Variants in LRP1B observed in about 807,000 individuals in gnomAD.
LRP1B encodes the protein LDL receptor related protein 1B.
In LRP1B, 217 loss-of-function variants were observed where a neutral mutation model predicts 556.6. That is an observed-to-expected ratio of 0.39 (90% CI 0.35 to 0.44). The LOEUF (loss-of-function observed/expected upper bound fraction) is 0.44, where lower values mean the gene tolerates loss of function less well. Among genes scored for constraint, LRP1B ranks in the 20% least tolerant of loss-of-function variants. The probability of loss-of-function intolerance (pLI) is 1.00; values close to 1 mark genes in which losing one functional copy is unlikely to be tolerated. For synonymous variants in LRP1B, 2,047 were observed against 1,865.8 expected (o/e 1.10, Z -2.50); for missense variants, 5,053 against 5,620.8 (o/e 0.90, Z 3.23).
Position 140,514,789 on chromosome 2 carries a change from AG to A in LRP1B, c.8150-18del, listed in dbSNP as rs1689817677. On this transcript the variant is annotated intron_variant, in intron 50 of 90. Transcript: ENST00000389484. Reference sequence around the variant, plus strand: ...AAGAAGAATCTAGGAAACAAACAAAAGGAAAAAAAAAAATAGTTTGAGACCG... The same window carrying A: ...AAGAAGAATCTAGGAAACAAACAAAAGAAAAAAAAAAATAGTTTGAGACCG... 2 of 1,600,964 alleles carry A rather than the reference AG, an allele frequency of 1.2e-6. No homozygotes were observed. The highest frequency in any genetic ancestry group is 1.7e-6 in the Non-Finnish European group (2 of 1,173,774).
intron 7 of LRP1B, among the ~76,000 whole-genome samples, chr2:141,167,818 A>C (rs1289038706): frequency 1.3e-5 from 2 of 151,984 alleles, no homozygotes; most frequent in African/African-American, 4.8e-5. Flanking sequence ...GTGACCATTG[A>C]TAGAACTATT....
intron 1 of LRP1B, among the ~76,000 whole-genome samples, chr2:142,020,035 C>T (rs764209642): frequency 6.6e-6 from 1 of 152,088 alleles, no homozygotes; most frequent in Non-Finnish European, 1.5e-5. Context: ...ATATTTAGTA[C>T]CTGTCTCATC....
intron 3 of LRP1B, among the ~76,000 whole-genome samples, chr2:141,423,504 C>T (rs6717439): frequency 6.6e-6 from 1 of 151,714 alleles, no homozygotes; most frequent in African/African-American, 2.4e-5. Flanking sequence ...CTCCTACCCA[C>T]CCCACAAAAT....
chr2:140,698,584 T>G (rs887892665), intron 41 of LRP1B, among the ~76,000 whole-genome samples: 1 of 152,056 alleles, frequency 6.6e-6, no homozygotes, highest in African/African-American at 2.4e-5. Context: ...TCTCATTGTG[T>G]TGTTTTGGTT....
intron 66 of LRP1B, among the ~76,000 whole-genome samples, chr2:140,396,575 T>C (rs1684269036): frequency 6.6e-6 from 1 of 152,202 alleles, no homozygotes; most frequent in Admixed American, 6.5e-5. Flanking sequence ...CTCAGTTTAC[T>C]CTACTAAAAA....
intron 1 of LRP1B, among the ~76,000 whole-genome samples, chr2:141,935,022 T>G (rs1436923542): frequency 6.7e-6 from 1 of 150,016 alleles, no homozygotes; most frequent in Non-Finnish European, 1.5e-5. Flanking sequence ...TAAACTGGAG[T>G]TGTCCTAGGA....
rs1463144460 is a variant in LRP1B at position 140,716,663 on chromosome 2, A to T, written c.5893+19T>A. 6.3e-7 allele frequency: 1 copy of T among 1,587,832 alleles called. No individual in the cohort carries two copies. The highest frequency in any genetic ancestry group is 8.5e-7 in the Non-Finnish European group (1 of 1,169,942). Reference sequence around the variant, plus strand: ...CAAAATAGGTGTGAAACAGAAAGATAAAAAGCCATGGATTATACCAGCAAT... The same window carrying T: ...CAAAATAGGTGTGAAACAGAAAGATTAAAAGCCATGGATTATACCAGCAAT... On this transcript the variant is annotated intron_variant, in intron 36 of 90. Coordinates refer to ENST00000389484, the MANE Select transcript of LRP1B (RefSeq NM_018557.3).
intron 20 of LRP1B, among the ~76,000 whole-genome samples, chr2:140,936,756 T>C (rs1214434598): frequency 1.3e-5 from 2 of 152,208 alleles, no homozygotes; most frequent in African/African-American, 4.8e-5. Flanking sequence ...ACCTTTTGTT[T>C]GCAAATCACA....
At chr2:140,966,735 G>A (rs1289099087) in intron 18 of LRP1B, among the ~76,000 whole-genome samples, 1 of 152,104 alleles carries the variant, frequency 6.6e-6, no homozygotes, top group Non-Finnish European at 1.5e-5. Flanking sequence ...TGTAAGGAAG[G>A]GATCCCGTTT....
intron 1 of LRP1B, among the ~76,000 whole-genome samples, chr2:141,940,288 T>C (rs1182953800): frequency 1.3e-5 from 2 of 152,176 alleles, no homozygotes; most frequent in Non-Finnish European, 2.9e-5. Flanking sequence ...CAAAGGTATA[T>C]ATGATTAAGA....
intron 7 of LRP1B, among the ~76,000 whole-genome samples, chr2:141,178,755 A>T (rs10496870): frequency 6.6e-6 from 1 of 151,736 alleles, no homozygotes; most frequent in Admixed American, 6.6e-5. Context: ...ATATATCTTC[A>T]GTATTTTTCT....
Position 141,741,246 on chromosome 2 carries a change from T to TTCAGTATAC in LRP1B, c.205+69024_205+69032dup, listed in dbSNP as rs1158105684. On this transcript the variant is annotated intron_variant, in intron 2 of 90. Transcript: ENST00000389484. ...ATAAACACAGGCGTGCAGTTATCTC[T>TTCAGTATAC]TCAGTATACTGATTTCCTTTTTTTT... 1.9e-4 allele frequency among the ~76,000 whole-genome samples: 29 copies of TTCAGTATAC among 150,294 alleles called. No homozygotes were observed. The South Asian group carries it at 2.1e-3, about 11-fold the overall frequency.
At chr2:141,508,718 G>A (rs1271726687) in intron 2 of LRP1B, among the ~76,000 whole-genome samples, 1 of 151,854 alleles carries the variant, frequency 6.6e-6, no homozygotes, top group African/African-American at 2.4e-5. Context: ...AGAGGCAAGT[G>A]TTTTCTTTTC....
intron 20 of LRP1B, among the ~76,000 whole-genome samples, chr2:140,948,440 A>G (rs1355954802): frequency 6.6e-6 from 1 of 152,208 alleles, no homozygotes; most frequent in Non-Finnish European, 1.5e-5. Flanking sequence ...TAGCTCATAT[A>G]TACTCATGCA....
At chr2:141,903,207 C>T (rs556994968) in intron 1 of LRP1B, among the ~76,000 whole-genome samples, 2 of 151,760 alleles carry the variant, frequency 1.3e-5, no homozygotes, top group South Asian at 2.1e-4. Context: ...CTTATAGATA[C>T]TCTTTAATTA....
chr2:141,267,722 T>C (rs1285218976), intron 3 of LRP1B, among the ~76,000 whole-genome samples: 2 of 152,184 alleles, frequency 1.3e-5, no homozygotes, highest in Non-Finnish European at 2.9e-5. Flanking sequence ...AAACTGTGTA[T>C]ACCCAATAAG....
At chr2:140,345,791 CATATATACATATATACACAT>C (rs1448910482) in intron 77 of LRP1B, among the ~76,000 whole-genome samples, 16 of 114,896 alleles carry the variant, frequency 1.4e-4, no homozygotes, top group African/African-American at 5.5e-4. Flanking sequence ...TATATATACA[CATATATACATATATACACAT>C]ATATATACAT....
chr2:141,185,007 G>A (rs1232363732), intron 7 of LRP1B, among the ~76,000 whole-genome samples: 1 of 151,986 alleles, frequency 6.6e-6, no homozygotes, highest in Non-Finnish European at 1.5e-5. Context: ...CTTTGATGGG[G>A]TAGAATATTG....
intron 86 of LRP1B, among the ~76,000 whole-genome samples, chr2:140,256,767 C>T (rs1681714354): frequency 6.6e-6 from 1 of 151,468 alleles, no homozygotes; most frequent in Non-Finnish European, 1.5e-5. Flanking sequence ...GCGCCCAACC[C>T]TTCTTTTTCT....
Sources: gnomAD v4.1 joint callset for allele counts (sites outside exome capture counted in the v4.1 genomes callset) on GRCh38, gnomAD v4.1.1 for gene constraint, MANE v1.5 for transcripts, NCBI Gene and HGNC (gene_info 2026-07-23, HGNC 2026-07-21) for gene names.